The following NOL4 variants were observed in gnomAD, a reference collection of about 807,000 sequenced individuals.
NOL4 encodes nucleolar protein 4, also known as cancer/testis antigen 125.
In NOL4, 17 loss-of-function variants were observed where a neutral mutation model predicts 75.9. That is an observed-to-expected ratio of 0.22 (90% confidence interval 0.15 to 0.34). The LOEUF (loss-of-function observed/expected upper bound fraction) is 0.34, where lower values mean the gene tolerates loss of function less well. Among genes scored for constraint, NOL4 ranks in the 10% least tolerant of loss-of-function variants. The probability of loss-of-function intolerance (pLI) is 1.00; values close to 1 mark genes in which losing one functional copy is unlikely to be tolerated. For synonymous variants in NOL4, 292 were observed against 289.9 expected, an observed-to-expected ratio of 1.01 and a Z score of -0.07; for missense variants, 614 against 793.5, an observed-to-expected ratio of 0.77 and a Z score of 2.72.
chr18:34,097,037 A>G (rs2078818619), intron 4 of NOL4, among the ~76,000 whole-genome samples: 1 of 152,010 alleles, frequency 6.6e-6, no homozygotes, highest in South Asian at 2.1e-4. Flanking sequence ...CCATTTCCTA[A>G]ACTATGTAGT....
At chr18:34,217,736 C>A (rs1331694349) in intron 1 of NOL4, among the ~76,000 whole-genome samples, 2 of 151,796 alleles carry the variant, frequency 1.3e-5, no homozygotes, top group Admixed American at 1.3e-4. Flanking sequence ...GCTACATATA[C>A]CACATGCTTG....
intron 8 of NOL4, among the ~76,000 whole-genome samples, chr18:33,947,862 T>C (rs180951938): frequency 1.3e-5 from 2 of 152,014 alleles, no homozygotes; most frequent in African/African-American, 4.8e-5. Context: ...CATGGAGCTT[T>C]TGGAGTTTAA....
chr18:34,094,604 G>T (rs1234270610), intron 4 of NOL4, among the ~76,000 whole-genome samples: 1 of 152,138 alleles, frequency 6.6e-6, no homozygotes, highest in Non-Finnish European at 1.5e-5. Context: ...TGGACAAATG[G>T]TATACTTATA....
intron 9 of NOL4, among the ~76,000 whole-genome samples, chr18:33,933,646 T>C (rs1008715321): frequency 6.6e-6 from 1 of 152,178 alleles, no homozygotes; most frequent in Non-Finnish European, 1.5e-5. Flanking sequence ...CGCTCAGCTA[T>C]AAAAAGCAAC....
chr18:34,120,795 CATATGAT>C lies in NOL4; in HGVS notation c.414+9069_414+9075del, dbSNP rs1035449790. On this transcript the variant is annotated intron_variant, in intron 2 of 10. Transcript: ENST00000261592. Reference sequence around the variant, plus strand: ...CTTAAAAGAAGGCAAAGCATTTCACCATATGATATAAAGAAACTAGAGGAGGAAAACA... The same window carrying C: ...CTTAAAAGAAGGCAAAGCATTTCACCATAAAGAAACTAGAGGAGGAAAACA... Among the ~76,000 whole-genome samples the C allele has an allele frequency of 1.4e-4, 21 of 152,196 alleles. No individual in the cohort carries two copies. In the East Asian group the frequency reaches 3.9e-3, roughly 28 times the overall value.
At chr18:34,209,249 T>G (rs2036346833) in intron 1 of NOL4, among the ~76,000 whole-genome samples, 1 of 150,264 alleles carries the variant, frequency 6.7e-6, no homozygotes, top group Non-Finnish European at 1.5e-5. Context: ...ATAGAAATGG[T>G]AAATAAAATT....
intron 5 of NOL4, among the ~76,000 whole-genome samples, chr18:34,079,259 T>A (rs1299865410): frequency 6.6e-6 from 1 of 152,078 alleles, no homozygotes; most frequent in Non-Finnish European, 1.5e-5. Flanking sequence ...AACTTTCGCA[T>A]CATATGTCTA....
chr18:33,894,112 G>A (rs932848839), intron 9 of NOL4, among the ~76,000 whole-genome samples: 1 of 152,078 alleles, frequency 6.6e-6, no homozygotes, highest in African/African-American at 2.4e-5. Context: ...CTGGAAAACA[G>A]CTCTACCTTC....
chr18:33,998,099 A>C (rs1337797955), intron 6 of NOL4, among the ~76,000 whole-genome samples: 1 of 152,074 alleles, frequency 6.6e-6, no homozygotes, highest in South Asian at 2.1e-4. Flanking sequence ...GAGGTAGTTT[A>C]ATGGTTGCTT....
intron 10 of NOL4, among the ~76,000 whole-genome samples, chr18:33,855,709 G>A (rs927177092): frequency 6.6e-6 from 1 of 151,950 alleles, no homozygotes; most frequent in Non-Finnish European, 1.5e-5. Context: ...GAAAAATTAA[G>A]CTCCACACAC....
At chr18:33,868,988 G>C (rs1351368545) in intron 10 of NOL4, among the ~76,000 whole-genome samples, 2 of 151,800 alleles carry the variant, frequency 1.3e-5, no homozygotes, top group Non-Finnish European at 2.9e-5. Flanking sequence ...TTGTCTCACT[G>C]TTTTAAAGTA....
intron 5 of NOL4, among the ~76,000 whole-genome samples, chr18:34,079,706 G>A (rs1390800652): frequency 6.6e-6 from 1 of 151,346 alleles, no homozygotes; most frequent in African/African-American, 2.4e-5. Context: ...AACTTCTTTT[G>A]GAAGAAAAAA....
At chr18:33,919,089 G>A (rs1324923564) in intron 9 of NOL4, among the ~76,000 whole-genome samples, 1 of 152,124 alleles carries the variant, frequency 6.6e-6, no homozygotes, top group Non-Finnish European at 1.5e-5. Flanking sequence ...AGGACTTGTT[G>A]AAGTAAATCA....
intron 10 of NOL4, among the ~76,000 whole-genome samples, chr18:33,862,000 T>G (rs372034619): frequency 6.6e-6 from 1 of 151,596 alleles, no homozygotes; most frequent in African/African-American, 2.4e-5. Context: ...GGAGGCATCA[T>G]GCTACCTGAC....
At chr18:34,088,241 A>G (rs752884481) in intron 5 of NOL4, among the ~76,000 whole-genome samples, 3 of 152,118 alleles carry the variant, frequency 2.0e-5, no homozygotes, top group Non-Finnish European at 4.4e-5. Context: ...GTCTGTTTCT[A>G]AATCTGACAC....
chr18:33,983,501 TACAC>T (rs1264674556), intron 6 of NOL4, among the ~76,000 whole-genome samples: 2 of 151,848 alleles, frequency 1.3e-5, no homozygotes, highest in Non-Finnish European at 2.9e-5. Flanking sequence ...CACACACAGA[TACAC>T]ACACATATAT....
At chr18:34,131,697 T>C (rs1224352885) in intron 1 of NOL4, among the ~76,000 whole-genome samples, 1 of 152,164 alleles carries the variant, frequency 6.6e-6, no homozygotes, top group Non-Finnish European at 1.5e-5. Context: ...CATTCACATG[T>C]TCACTCATTT....
At chr18:34,141,417 T>C (rs1391745879) in intron 1 of NOL4, among the ~76,000 whole-genome samples, 2 of 152,146 alleles carry the variant, frequency 1.3e-5, no homozygotes, top group Non-Finnish European at 2.9e-5. Flanking sequence ...GGCATCACAC[T>C]ACCTGACTTC....
intron 9 of NOL4, among the ~76,000 whole-genome samples, chr18:33,914,146 G>A (rs1468175445): frequency 2.0e-5 from 3 of 152,056 alleles, no homozygotes; most frequent in Admixed American, 6.6e-5. Context: ...TAAAATTTGA[G>A]GGATAATGCT....
Sources: allele counts gnomAD v4.1 joint callset (sites outside exome capture counted in the v4.1 genomes callset), GRCh38; gene constraint gnomAD v4.1.1; transcripts MANE v1.5; gene names NCBI Gene and HGNC (gene_info 2026-07-23, HGNC 2026-07-21).